PRELID2: variants seen among roughly 807,000 people sequenced by gnomAD.
PRELID2 encodes PRELI domain containing 2, also known as PRELI domain-containing protein 2.
Under a neutral mutation model 28.4 loss-of-function variants are expected in PRELID2, and 25 were observed. The ratio of observed to expected loss-of-function variants is 0.88; its 90% confidence interval spans 0.64 to 1.23. PRELID2 has a LOEUF of 1.23. Ranked by LOEUF, PRELID2 falls within the 50% of genes most tolerant of loss-of-function variation. PRELID2 has a pLI of 0.00. For missense variants in PRELID2, 201 were observed against 214.4 expected (o/e 0.94, Z 0.39); for synonymous variants, 76 against 71.6 (o/e 1.06, Z -0.31).
intron 1 of PRELID2, among the ~76,000 whole-genome samples, chr5:145,495,121 G>A (rs991268369): frequency 2.0e-5 from 3 of 152,076 alleles, no homozygotes; most frequent in African/African-American, 4.8e-5. Context: ...TCAAATGTTC[G>A]CCTCCACCAT....
At chr5:145,592,164 C>T (rs200940292) in intron 1 of PRELID2, among the ~76,000 whole-genome samples, 1 of 152,176 alleles carries the variant, frequency 6.6e-6, no homozygotes, top group Admixed American at 6.5e-5. Context: ...CGCCTGTAAT[C>T]CCACCACTTT....
At position 145,708,096 on chromosome 5, in the gene PRELID2, G is replaced by T. The variant is rs1020388985; in HGVS notation, n.70+56835C>A. ...AGGAAATTTGAGATGTGCTATTGGG[G>T]TGTCTCCAAAGCACTCTTGGGGTGG... On this transcript the variant is annotated intron_variant and non_coding_transcript_variant, in intron 1 of 2. Transcript: ENST00000510259. Among the ~76,000 whole-genome samples, 5 of 152,218 alleles carry T rather than the reference G, an allele frequency of 3.3e-5. No homozygotes were observed. In the East Asian group the frequency reaches 9.6e-4, roughly 29 times the overall value.
In PRELID2 at chr5:145,796,555, A is replaced by G. The variant is rs367577189; in HGVS notation, c.369-8T>C. Reference sequence around the variant, plus strand: ...CTTTGAATGAACTCTGTCCTGCAAAAAAAACAAAAAACACATCTTTGATGT... The same window carrying G: ...CTTTGAATGAACTCTGTCCTGCAAAGAAAACAAAAAACACATCTTTGATGT... On this transcript the variant is annotated splice_region_variant and splice_polypyrimidine_tract_variant and intron_variant, in intron 4 of 6. Transcript: ENST00000683046. 3.7e-5 allele frequency: 58 copies of G among 1,548,874 alleles called. No homozygotes were observed. In the African/African-American group the frequency reaches 7.7e-4, roughly 21 times the overall value.
chr5:145,542,439 G>C (rs1355536233), intron 1 of PRELID2, among the ~76,000 whole-genome samples: 1 of 152,126 alleles, frequency 6.6e-6, no homozygotes, highest in Non-Finnish European at 1.5e-5. Context: ...CTGTGTGACA[G>C]GCACTTAGTA....
intron 1 of PRELID2, among the ~76,000 whole-genome samples, chr5:145,498,130 C>G (rs145554935): frequency 1.3e-5 from 2 of 152,072 alleles, no homozygotes; most frequent in Admixed American, 6.5e-5. Flanking sequence ...CTTTCTCATA[C>G]CACCCAGCTT....
At chr5:145,529,024 G>A (rs940522464) in intron 1 of PRELID2, among the ~76,000 whole-genome samples, 1 of 152,068 alleles carries the variant, frequency 6.6e-6, no homozygotes, top group Non-Finnish European at 1.5e-5. Flanking sequence ...CCCTGCTAGG[G>A]CATATTAGCA....
chr5:145,647,659 C>A (rs1041736812), intron 1 of PRELID2, among the ~76,000 whole-genome samples: 1 of 152,192 alleles, frequency 6.6e-6, no homozygotes, highest in African/African-American at 2.4e-5. Flanking sequence ...AACCCAAGGC[C>A]CTGGTGGCAA....
chr5:145,374,600 A>G, the PRELID2 span, among the ~76,000 whole-genome samples: 1 of 151,808 alleles, frequency 6.6e-6, no homozygotes, highest in Non-Finnish European at 1.5e-5. Context: ...CATTCTCTCC[A>G]TCTCCTTCAG....
chr5:145,623,809 C>G (rs745514080), intron 1 of PRELID2, among the ~76,000 whole-genome samples: 7 of 152,208 alleles, frequency 4.6e-5, no homozygotes, highest in Non-Finnish European at 1.0e-4. Context: ...TCCAACAGCG[C>G]TCCCCAACTC....
intron 1 of PRELID2, among the ~76,000 whole-genome samples, chr5:145,601,999 C>T (rs1753405579): frequency 6.6e-6 from 1 of 152,136 alleles, no homozygotes; most frequent in Non-Finnish European, 1.5e-5. Context: ...ATTTATCCAC[C>T]AACTTTCACC....
chr5:145,591,157 A>G (rs1753221250), intron 1 of PRELID2, among the ~76,000 whole-genome samples: 1 of 152,002 alleles, frequency 6.6e-6, no homozygotes. Context: ...TTAGCTGGGC[A>G]TGGTAGCGCA....
intron 1 of PRELID2, among the ~76,000 whole-genome samples, chr5:145,655,970 C>T (rs1754385894): frequency 6.6e-6 from 1 of 152,136 alleles, no homozygotes; most frequent in South Asian, 2.1e-4. Context: ...AGGCAACCTA[C>T]AGAATGGGAG....
Position 145,631,733 on chromosome 5 carries a change from T to C in PRELID2, n.70+133198A>G, listed in dbSNP as rs112881685. On this transcript the variant is annotated intron_variant and non_coding_transcript_variant, in intron 1 of 2. Transcript: ENST00000510259. ...TAATAAAGGCAGTAACTCTATATTG[T>C]CACCAATATTATTCTTCCAAATGTT... 9.4e-3 allele frequency among the ~76,000 whole-genome samples: 1,426 copies of C among 152,284 alleles called. 38 individuals carry two copies. The highest frequency in any genetic ancestry group is 0.033 in the African/African-American group (1,367 of 41,556).
the PRELID2 span, among the ~76,000 whole-genome samples, chr5:145,345,422 G>A: frequency 7.9e-5 from 12 of 151,822 alleles, no homozygotes; most frequent in South Asian, 2.1e-4. Context: ...GAATCAAACC[G>A]TTGAAGCCCA....
chr5:145,770,158 G>A (rs1440857295), intron 5 of PRELID2, among the ~76,000 whole-genome samples: 2 of 152,080 alleles, frequency 1.3e-5, no homozygotes, highest in African/African-American at 2.4e-5. Flanking sequence ...GATAACGATG[G>A]TAAATGACTA....
chr5:145,620,574 T>A (rs1753760599), intron 1 of PRELID2, among the ~76,000 whole-genome samples: 1 of 152,148 alleles, frequency 6.6e-6, no homozygotes, highest in South Asian at 2.1e-4. Context: ...AAAATAAATT[T>A]TTTTTAAAAA....
chr5:145,577,332 A>G (rs1446459177), intron 1 of PRELID2, among the ~76,000 whole-genome samples: 1 of 152,154 alleles, frequency 6.6e-6, no homozygotes, highest in African/African-American at 2.4e-5. Flanking sequence ...GCAAACTGCA[A>G]TAAAATACAC....
chr5:145,456,488 G>C, the PRELID2 span, among the ~76,000 whole-genome samples: 2 of 152,206 alleles, frequency 1.3e-5, no homozygotes, highest in East Asian at 1.9e-4. Flanking sequence ...TGTCCTTAGA[G>C]AGGCTTCCCC....
At chr5:145,294,198 C>T in the PRELID2 span, among the ~76,000 whole-genome samples, 5 of 152,110 alleles carry the variant, frequency 3.3e-5, no homozygotes, top group African/African-American at 1.2e-4. Context: ...TCATGCAGCC[C>T]AGGTGAAGCA....
Sources: gnomAD v4.1 joint callset for allele counts (sites outside exome capture counted in the v4.1 genomes callset) on GRCh38, gnomAD v4.1.1 for gene constraint, MANE v1.5 for transcripts, NCBI Gene and HGNC (gene_info 2026-07-23, HGNC 2026-07-21) for gene names.